The following MAPRE2 variants were observed in gnomAD, a reference collection of about 807,000 sequenced individuals.
The protein encoded by MAPRE2 is microtubule associated protein RP/EB family member 2, also known as microtubule-associated protein RP/EB family member 2.
Under a neutral mutation model 43.2 loss-of-function variants are expected in MAPRE2, and 13 were observed. The observed-to-expected ratio is 0.30, with a 90% CI of 0.20 to 0.48. MAPRE2 has a LOEUF of 0.48. Among genes scored for constraint, MAPRE2 ranks in the 20% least tolerant of loss-of-function variants. The pLI, the probability that MAPRE2 is intolerant of heterozygous loss-of-function variation, is 0.99. For synonymous variants in MAPRE2, 135 were observed against 148.8 expected, an observed-to-expected ratio of 0.91 and a Z score of 0.68; for missense variants, 161 against 400.2, an observed-to-expected ratio of 0.40 and a Z score of 5.10.
intron 2 of MAPRE2, among the ~76,000 whole-genome samples, chr18:35,006,033 G>A (rs989949941): frequency 6.6e-6 from 1 of 152,094 alleles, no homozygotes; most frequent in African/African-American, 2.4e-5. Context: ...ATTTTTTTCT[G>A]TCTGGGATTT....
chr18:35,087,002 G>A (rs915174720), intron 2 of MAPRE2, among the ~76,000 whole-genome samples: 1 of 151,908 alleles, frequency 6.6e-6, no homozygotes, highest in Non-Finnish European at 1.5e-5. Context: ...TTACTCTATG[G>A]TTGAAATCCT....
intron 2 of MAPRE2, among the ~76,000 whole-genome samples, chr18:35,020,652 A>T (rs1243777547): frequency 6.6e-6 from 1 of 152,110 alleles, no homozygotes; most frequent in Non-Finnish European, 1.5e-5. Flanking sequence ...GTCTTCGAAT[A>T]AGACTATCTA....
chr18:35,097,623 G>GT (rs775022867), intron 3 of MAPRE2, 32 bp downstream of exon 3: 3 of 1,583,056 alleles, frequency 1.9e-6, no homozygotes, highest in Admixed American at 1.8e-5. Flanking sequence ...AAAATGTGTT[G>GT]TTTTTTCTTA....
At chr18:35,137,161 A>G (rs1162344742) in intron 6 of MAPRE2, among the ~76,000 whole-genome samples, 1 of 152,264 alleles carries the variant, frequency 6.6e-6, no homozygotes, top group African/African-American at 2.4e-5. Context: ...CAGGCCAAGC[A>G]TGAGCAATCC....
At position 35,130,056 on chromosome 18, in the gene MAPRE2, C is replaced by T. The variant is rs73414673; in HGVS notation, c.751-1976C>T. Among the ~76,000 whole-genome samples, 1,269 of 152,188 alleles carry T rather than the reference C, an allele frequency of 8.3e-3. 19 individuals carry two copies. The highest frequency in any genetic ancestry group is 0.03 in the African/African-American group (1,229 of 41,500). ...GCACTAAAGGGTTGTCTGGAAAAGC[C>T]TCAGCTATGTGTTCATTGTGCAGAA... On this transcript the variant is annotated intron_variant, in intron 5 of 6. Transcript: ENST00000300249.
intron 1 of MAPRE2, among the ~76,000 whole-genome samples, chr18:34,989,352 T>C (rs1473466802): frequency 6.6e-6 from 1 of 152,222 alleles, no homozygotes; most frequent in East Asian, 1.9e-4. Flanking sequence ...CTCGGTCTTC[T>C]ATCCTGGATG....
intron 1 of MAPRE2, among the ~76,000 whole-genome samples, chr18:34,988,040 A>G (rs918416062): frequency 1.3e-5 from 2 of 152,148 alleles, no homozygotes; most frequent in Non-Finnish European, 2.9e-5. Flanking sequence ...GGTGGATCAT[A>G]ATTCCTGGCA....
intron 1 of MAPRE2, among the ~76,000 whole-genome samples, chr18:34,999,056 A>G (rs17644792): frequency 0.12 from 18,867 of 152,020 alleles, 1,208 homozygotes; most frequent in South Asian, 0.16. Flanking sequence ...AGTTTCCACT[A>G]TGACCCAAAC....
At chr18:35,037,524 T>C (rs1030395834), upstream of MAPRE2, among the ~76,000 whole-genome samples, 3 of 152,316 alleles carry the variant, frequency 2.0e-5, no homozygotes, top group East Asian at 1.9e-4. Context: ...TATTTTCCAA[T>C]AGGCAGTTGG....
At position 35,093,238 on chromosome 18, in the gene MAPRE2, A is replaced by G. The variant is rs868332943; in HGVS notation, c.251-4208A>G. On this transcript the variant is annotated intron_variant, in intron 2 of 6. Transcript: ENST00000300249. ...AAAAAAAAAAAAAAAAAAAAAAAAA[A>G]GGAATGGCTATTATCAAAAAGGCAA... 5.8e-3 allele frequency among the ~76,000 whole-genome samples: 759 copies of G among 131,702 alleles called. 32 individuals carry two copies. Among genetic ancestry groups the G allele is most frequent in the Admixed American group, 0.042 (543 of 13,008 alleles). The allele number at this position is 131,702 out of a possible 152,430, so 86.4% of individuals were successfully genotyped here. A position where few individuals can be genotyped will look rare whatever the true frequency, so the allele number is the denominator to read the frequency against.
intron 3 of MAPRE2, among the ~76,000 whole-genome samples, chr18:35,098,558 C>G (rs1413960509): frequency 2.0e-5 from 3 of 152,294 alleles, no homozygotes; most frequent in South Asian, 4.1e-4. Context: ...TATTTCAAAA[C>G]ATACATTCTC....
At chr18:34,991,178 T>C (rs1370195014) in intron 1 of MAPRE2, among the ~76,000 whole-genome samples, 1 of 152,144 alleles carries the variant, frequency 6.6e-6, no homozygotes, top group Non-Finnish European at 1.5e-5. Flanking sequence ...TCCTCCTGCC[T>C]CTTTCCTCCC....
At chr18:35,086,741 T>G (rs1304961452) in intron 2 of MAPRE2, among the ~76,000 whole-genome samples, 1 of 152,030 alleles carries the variant, frequency 6.6e-6, no homozygotes, top group Non-Finnish European at 1.5e-5. Context: ...ATTTCTTAGC[T>G]GGGTGACTTT....
At chr18:35,037,438 C>T (rs1482608046), upstream of MAPRE2, among the ~76,000 whole-genome samples, 1 of 152,182 alleles carries the variant, frequency 6.6e-6, no homozygotes, top group African/African-American at 2.4e-5. Context: ...TTGCCAAGGT[C>T]ATAGAACCTG....
chr18:35,031,931 A>G (rs1236252939), intron 2 of MAPRE2, among the ~76,000 whole-genome samples: 1 of 152,198 alleles, frequency 6.6e-6, no homozygotes, highest in Non-Finnish European at 1.5e-5. Context: ...ATGTCATGGA[A>G]ATTTCACCAG....
chr18:35,010,944 A>G (rs187221599), intron 2 of MAPRE2, among the ~76,000 whole-genome samples: 2 of 152,156 alleles, frequency 1.3e-5, no homozygotes, highest in Non-Finnish European at 2.9e-5. Flanking sequence ...CTATTATAAG[A>G]TTTTTTTTAC....
chr18:35,109,519 A>G (rs1225400771), intron 4 of MAPRE2, among the ~76,000 whole-genome samples: 1 of 152,222 alleles, frequency 6.6e-6, no homozygotes, highest in East Asian at 1.9e-4. Flanking sequence ...TTTGATGGAA[A>G]TAGCTTTGAA....
At chr18:34,992,183 A>T (rs2097024176) in intron 1 of MAPRE2, among the ~76,000 whole-genome samples, 1 of 152,220 alleles carries the variant, frequency 6.6e-6, no homozygotes, top group Non-Finnish European at 1.5e-5. Flanking sequence ...AGATTAAAAA[A>T]ATTAAAACAG....
intron 2 of MAPRE2, among the ~76,000 whole-genome samples, chr18:35,089,382 G>A (rs147937678): frequency 6.6e-6 from 1 of 152,190 alleles, no homozygotes; most frequent in South Asian, 2.1e-4. Context: ...TCCACAGAAT[G>A]GGAGAAAATA....
Sources: gnomAD v4.1 joint callset for allele counts (sites outside exome capture counted in the v4.1 genomes callset) on GRCh38, gnomAD v4.1.1 for gene constraint, MANE v1.5 for transcripts, NCBI Gene and HGNC (gene_info 2026-07-23, HGNC 2026-07-21) for gene names.